SAMMSON: variants seen among roughly 807,000 people sequenced by gnomAD.
SAMMSON encodes long intergenic non-protein coding RNA 1212.
chr3:70,132,502 CTATCAACATA>C (rs1362394516), intron 4 of SAMMSON, among the ~76,000 whole-genome samples: 3 of 152,244 alleles, frequency 2.0e-5, no homozygotes, highest in African/African-American at 7.2e-5. Context: ...TTGGCAACCC[CTATCAACATA>C]TATCCTTGTC....
chr3:70,154,591 G>T (rs1397822083), intron 4 of SAMMSON, among the ~76,000 whole-genome samples: 2 of 152,062 alleles, frequency 1.3e-5, no homozygotes, highest in Non-Finnish European at 2.9e-5. Flanking sequence ...AAGATTGCCT[G>T]GGCTAGAGCA....
At chr3:70,349,837 A>G (rs1372384996) in intron 7 of SAMMSON, among the ~76,000 whole-genome samples, 1 of 152,184 alleles carries the variant, frequency 6.6e-6, no homozygotes, top group Non-Finnish European at 1.5e-5. Flanking sequence ...ATAATGGGTA[A>G]TTGCCTTAGC....
chr3:70,430,425 T>G (rs1161400682), intron 2 of SAMMSON, among the ~76,000 whole-genome samples: 1 of 152,034 alleles, frequency 6.6e-6, no homozygotes, highest in Non-Finnish European at 1.5e-5. Context: ...CAACGGAAAA[T>G]TACAAGTTGT....
At chr3:70,150,676 T>G (rs994699300) in intron 4 of SAMMSON, among the ~76,000 whole-genome samples, 1 of 152,066 alleles carries the variant, frequency 6.6e-6, no homozygotes, top group African/African-American at 2.4e-5. Flanking sequence ...ATGCAGAATA[T>G]TATTAGAGGT....
intron 4 of SAMMSON, among the ~76,000 whole-genome samples, chr3:70,233,713 T>C (rs1701583102): frequency 6.6e-6 from 1 of 152,216 alleles, no homozygotes; most frequent in Non-Finnish European, 1.5e-5. Context: ...TTGACTCAAC[T>C]TCTAAAATTT....
At chr3:70,111,684 T>A (rs1175187991) in intron 4 of SAMMSON, among the ~76,000 whole-genome samples, 1 of 152,192 alleles carries the variant, frequency 6.6e-6, no homozygotes, top group Non-Finnish European at 1.5e-5. Flanking sequence ...TAGGTTTAAA[T>A]TTCCTGAAGG....
intron 4 of SAMMSON, among the ~76,000 whole-genome samples, chr3:70,155,563 G>A (rs1314028369): frequency 1.3e-5 from 2 of 152,038 alleles, no homozygotes; most frequent in Non-Finnish European, 2.9e-5. Context: ...ACAGCATGGT[G>A]TTATCTGAGG....
chr3:70,198,188 G>A (rs1450063071), intron 4 of SAMMSON, among the ~76,000 whole-genome samples: 3 of 152,128 alleles, frequency 2.0e-5, no homozygotes, highest in African/African-American at 4.8e-5. Flanking sequence ...ATGATTGAAA[G>A]TAACATTCTA....
chr3:70,115,110 GCACATA>G (rs1462456031), intron 4 of SAMMSON, among the ~76,000 whole-genome samples: 1 of 150,158 alleles, frequency 6.7e-6, no homozygotes. Flanking sequence ...CTAGTCATCA[GCACATA>G]TTCATTAAGT....
At chr3:70,107,282 G>A (rs1318861761) in intron 4 of SAMMSON, among the ~76,000 whole-genome samples, 2 of 152,132 alleles carry the variant, frequency 1.3e-5, no homozygotes, top group Non-Finnish European at 2.9e-5. Flanking sequence ...TTAGTTACCA[G>A]GATTGGGCAT....
At chr3:70,012,038 C>T (rs2066958239) in intron 1 of SAMMSON, among the ~76,000 whole-genome samples, 1 of 151,994 alleles carries the variant, frequency 6.6e-6, no homozygotes, top group South Asian at 2.1e-4. Flanking sequence ...GGTCTCAACC[C>T]CTTTCTCTAG....
intron 3 of SAMMSON, among the ~76,000 whole-genome samples, chr3:70,037,498 G>C (rs2067090722): frequency 6.6e-6 from 1 of 152,134 alleles, no homozygotes; most frequent in East Asian, 1.9e-4. Context: ...ACAGTCTGAG[G>C]GCTGGGCCAA....
intron 2 of SAMMSON, among the ~76,000 whole-genome samples, chr3:70,397,589 GTGTGATTTCGGATTAACAATATGTGTA>G (rs1357726627): frequency 1.3e-5 from 2 of 152,254 alleles, no homozygotes; most frequent in Non-Finnish European, 2.9e-5. Context: ...CAATATGTGT[GTGTGATTTCGGATTAACAATATGTGTA>G]TATATAAGTG....
intron 3 of SAMMSON, among the ~76,000 whole-genome samples, chr3:70,015,681 T>A (rs555071296): frequency 0.036 from 5,439 of 152,124 alleles, 312 homozygotes; most frequent in African/African-American, 0.12. Flanking sequence ...CGTCATTTAC[T>A]TTAGGTATAT....
At chr3:70,008,230 C>G (rs1252715575) in intron 1 of SAMMSON, among the ~76,000 whole-genome samples, 1 of 152,096 alleles carries the variant, frequency 6.6e-6, no homozygotes, top group Non-Finnish European at 1.5e-5. Flanking sequence ...TCTAAATTAC[C>G]TTGGGCAGTA....
At chr3:70,236,325 C>A (rs1450174240) in intron 4 of SAMMSON, among the ~76,000 whole-genome samples, 2 of 152,294 alleles carry the variant, frequency 1.3e-5, no homozygotes, top group East Asian at 3.9e-4. Flanking sequence ...ATTATCTCCC[C>A]TTAATCCATA....
chr3:70,424,689 A>G (rs1701341338), intron 2 of SAMMSON: 1 of 152,230 alleles, frequency 6.6e-6, no homozygotes, highest in Non-Finnish European at 1.5e-5. Flanking sequence ...ACTGTTCTAG[A>G]TTAGGTTCAC....
intron 4 of SAMMSON, among the ~76,000 whole-genome samples, chr3:70,110,708 A>G (rs1007876980): frequency 6.6e-6 from 1 of 152,184 alleles, no homozygotes; most frequent in Admixed American, 6.5e-5. Context: ...GGCCCAGCTC[A>G]GGTTAGTGAA....
intron 4 of SAMMSON, among the ~76,000 whole-genome samples, chr3:70,098,559 G>C (rs2067331565): frequency 6.6e-6 from 1 of 151,950 alleles, no homozygotes; most frequent in African/African-American, 2.4e-5. Context: ...AGTAGAAACG[G>C]GGTTTCACCA....
Sources: allele counts gnomAD v4.1 joint callset (sites outside exome capture counted in the v4.1 genomes callset), GRCh38; gene constraint gnomAD v4.1.1; transcripts MANE v1.5; gene names NCBI Gene and HGNC (gene_info 2026-07-23, HGNC 2026-07-21).